ADARB2: variants seen among roughly 807,000 people sequenced by gnomAD.
ADARB2 encodes the protein inactive double-stranded RNA-specific editase B2.
Under a neutral mutation model 62.2 loss-of-function variants are expected in ADARB2, and 25 were observed. The ratio of observed to expected loss-of-function variants is 0.40; its 90% CI spans 0.29 to 0.56. The LOEUF (loss-of-function observed/expected upper bound fraction) is 0.56. Among genes scored for constraint, ADARB2 ranks in the 20% least tolerant of loss-of-function variants. The probability of loss-of-function intolerance (pLI) is 0.43; values close to 1 mark genes in which losing one functional copy is unlikely to be tolerated. For missense variants in ADARB2, 1,071 were observed against 1,077.4 expected (o/e 0.99, Z 0.08); for synonymous variants, 572 against 500.8 (o/e 1.14, Z -1.90).
At position 1,678,224 on chromosome 10, in the gene ADARB2, C is replaced by T. The variant is rs189778876; in HGVS notation, c.100+58827G>A. On this transcript the variant is annotated intron_variant, in intron 1 of 9. Coordinates refer to ENST00000381312, the MANE Select transcript of ADARB2 (RefSeq NM_018702.4). ...TCAGGGTGAGTGGCCTCAGGGTGAG[C>T]GACCTCAGGGTGAGTGTCCTCGGGG... 1.1e-5 allele frequency: 11 copies of T among 983,816 alleles called. No homozygotes were observed. In the African/African-American group the frequency reaches 1.2e-4, roughly 11 times the overall value. The allele number at this position is 983,816 out of a possible 1,614,324, so 60.9% of individuals were successfully genotyped here.
At chr10:1,648,359 G>A (rs907746901) in intron 1 of ADARB2, among the ~76,000 whole-genome samples, 7 of 152,224 alleles carry the variant, frequency 4.6e-5, no homozygotes, top group Admixed American at 2.0e-4. Context: ...AGGAAGAGCC[G>A]TGGGCTTGAT....
chr10:1,609,693 CTT>C (rs1314177787), intron 1 of ADARB2, among the ~76,000 whole-genome samples: 2 of 152,238 alleles, frequency 1.3e-5, no homozygotes, highest in South Asian at 2.1e-4. Flanking sequence ...TGGGGACACT[CTT>C]TTATCAACAC....
chr10:1,497,587 T>G lies in ADARB2; in HGVS notation c.101-118427A>C. On this transcript the variant is annotated intron_variant, in intron 1 of 9. Transcript: ENST00000381312. The stretch of plus-strand genomic sequence containing the variant: ...TATAAATAATTGATTCAAAACTATT[T>G]ATAAATTACATATATATGTACACAC... Among the ~76,000 whole-genome samples the G allele has an allele frequency of 1.3e-5, 2 of 152,350 alleles. 1 individual carries two copies. Among genetic ancestry groups the G allele is most frequent in the Middle Eastern group, 6.8e-3 (2 of 294 alleles).
At chr10:1,198,918 G>A (rs1273375874) in intron 8 of ADARB2, among the ~76,000 whole-genome samples, 1 of 152,230 alleles carries the variant, frequency 6.6e-6, no homozygotes, top group Non-Finnish European at 1.5e-5. Context: ...GGTTGCATTT[G>A]TACTCCATAT....
intron 3 of ADARB2, among the ~76,000 whole-genome samples, chr10:1,345,425 A>G (rs1002951542): frequency 6.6e-6 from 1 of 152,210 alleles, no homozygotes; most frequent in African/African-American, 2.4e-5. Context: ...CCAGCTTCCC[A>G]GAAGGCTTTC....
intron 1 of ADARB2, among the ~76,000 whole-genome samples, chr10:1,589,879 C>T (rs1039791571): frequency 3.3e-5 from 5 of 152,198 alleles, no homozygotes; most frequent in Non-Finnish European, 7.3e-5. Flanking sequence ...ACCATATTAG[C>T]CAGGCTGGTC....
At chr10:1,543,507 G>T (rs574772448) in intron 1 of ADARB2, among the ~76,000 whole-genome samples, 2 of 152,308 alleles carry the variant, frequency 1.3e-5, no homozygotes, top group South Asian at 4.1e-4. Flanking sequence ...GGACAATTTA[G>T]ACATTGCAGT....
chr10:1,598,408 C>T (rs1460099812), intron 1 of ADARB2, among the ~76,000 whole-genome samples: 1 of 152,206 alleles, frequency 6.6e-6, no homozygotes, highest in Non-Finnish European at 1.5e-5. Context: ...GCAGCTATAG[C>T]CCCCAAATCT....
At chr10:1,689,589 C>T (rs1349840881) in intron 1 of ADARB2, among the ~76,000 whole-genome samples, 1 of 152,200 alleles carries the variant, frequency 6.6e-6, no homozygotes, top group Non-Finnish European at 1.5e-5. Context: ...AGCATCCCAC[C>T]TCATAGACCT....
Position 1,217,039 on chromosome 10 carries a change from C to A in ADARB2, c.1594G>T (p.Val532Leu). ...KIESGEGTVP[V>L]RGPSAVQTWD... The stretch of plus-strand genomic sequence containing the variant: ...GTCTGCACTGCGCTGGGGCCACGCA[C>A]GGGGACCGTCCCTTCCCCGGACTCG... Residue 532 changes from valine to leucine, a missense_variant, in exon 7 of 10, where the codon GTG becomes TTG. Transcript: ENST00000381312. 1.2e-6 allele frequency: 2 copies of A among 1,611,368 alleles called. No homozygotes were observed. The highest frequency in any genetic ancestry group is 1.1e-5 in the South Asian group (1 of 90,556).
intron 3 of ADARB2, among the ~76,000 whole-genome samples, chr10:1,278,518 T>A (rs1831341114): frequency 6.6e-6 from 1 of 151,748 alleles, no homozygotes; most frequent in South Asian, 2.1e-4. Flanking sequence ...TGAGAACATG[T>A]GGTATTTGGC....
chr10:1,343,703 C>T lies in ADARB2; in HGVS notation c.1077+19325G>A, dbSNP rs776404378. Among the ~76,000 whole-genome samples the T allele has an allele frequency of 4.3e-4, 66 of 152,184 alleles. 1 individual carries two copies. Among genetic ancestry groups the T allele is most frequent in the Non-Finnish European group, 2.1e-4 (14 of 68,032 alleles). On this transcript the variant is annotated intron_variant, in intron 3 of 9. Coordinates refer to ENST00000381312, the MANE Select transcript of ADARB2 (RefSeq NM_018702.4). The stretch of plus-strand genomic sequence containing the variant: ...AATACTATGCAGCCATAAAGAAGAA[C>T]CAGATCATGTCTTCTGCAGGAACAT...
intron 1 of ADARB2, among the ~76,000 whole-genome samples, chr10:1,414,377 C>T (rs1832784545): frequency 6.6e-6 from 1 of 152,116 alleles, no homozygotes; most frequent in Admixed American, 6.5e-5. Context: ...GGAAGGCTAC[C>T]CTGACGTACC....
chr10:1,736,915 G>T (rs1406739244), intron 1 of ADARB2, 136 bp downstream of exon 1: 6 of 841,210 alleles, frequency 7.1e-6, no homozygotes, highest in Non-Finnish European at 1.1e-5. Flanking sequence ...CGAGCGCCCT[G>T]CACGGAGCAG....
At chr10:1,351,699 C>A (rs540189360) in intron 3 of ADARB2, among the ~76,000 whole-genome samples, 1 of 152,080 alleles carries the variant, frequency 6.6e-6, no homozygotes, top group African/African-American at 2.4e-5. Context: ...ACCTAATCAC[C>A]GTTACCCCAC....
At chr10:1,315,498 C>T (rs1024984042) in intron 3 of ADARB2, among the ~76,000 whole-genome samples, 3 of 152,198 alleles carry the variant, frequency 2.0e-5, no homozygotes, top group African/African-American at 7.2e-5. Context: ...TGATTTATAG[C>T]TTTAGGTGTT....
Position 1,280,251 on chromosome 10 carries a change from C to T in ADARB2, c.1078-9182G>A, listed in dbSNP as rs765972286. ...AATTAGGGCTTCAACATATGAATTT[C>T]GGGGGACACAAACATTAGTTCCATC... is the stretch of plus-strand genomic sequence containing the variant. On this transcript the variant is annotated intron_variant, in intron 3 of 9. Transcript: ENST00000381312. 5.9e-5 allele frequency among the ~76,000 whole-genome samples: 9 copies of T among 152,172 alleles called. No individual in the cohort carries two copies. The South Asian group carries it at 8.3e-4, about 14-fold the overall frequency.
intron 1 of ADARB2, among the ~76,000 whole-genome samples, chr10:1,549,435 A>G (rs1349732968): frequency 6.6e-6 from 1 of 152,076 alleles, no homozygotes; most frequent in Non-Finnish European, 1.5e-5. Context: ...TTGTGGGAGA[A>G]ATGCAGGAAG....
chr10:1,487,898 G>GA (rs1187632339), intron 1 of ADARB2, among the ~76,000 whole-genome samples: 1 of 148,590 alleles, frequency 6.7e-6, no homozygotes, highest in African/African-American at 2.4e-5. Context: ...AGAGGAGGAA[G>GA]AAAAAAGGAA....
Sources: gnomAD v4.1 joint callset for allele counts (sites outside exome capture counted in the v4.1 genomes callset) on GRCh38, gnomAD v4.1.1 for gene constraint, MANE v1.5 for transcripts, NCBI Gene and HGNC (gene_info 2026-07-23, HGNC 2026-07-21) for gene names.